Variants in SHROOM3 observed in about 807,000 individuals in gnomAD.
The protein encoded by SHROOM3 is protein Shroom3.
SHROOM3 carries 47 observed loss-of-function variants against 138.6 expected under a neutral mutation model. The observed-to-expected ratio is 0.34, with a 90% CI of 0.27 to 0.43. The LOEUF (loss-of-function observed/expected upper bound fraction) is 0.43, where lower values mean the gene tolerates loss of function less well. Among genes scored for constraint, SHROOM3 ranks in the 20% least tolerant of loss-of-function variants. SHROOM3 has a pLI of 1.00. For missense variants in SHROOM3, 2,491 were observed against 2,596.5 expected (o/e 0.96, Z 0.88); for synonymous variants, 1,062 against 1,063.3 (o/e 1.00, Z 0.02).
chr4:76,553,522 C>A (rs1316573426), intron 1 of SHROOM3, among the ~76,000 whole-genome samples: 1 of 152,036 alleles, frequency 6.6e-6, no homozygotes, highest in African/African-American at 2.4e-5. Flanking sequence ...GTGATCCACC[C>A]ACCCCGGCCT....
chr4:76,679,888 G>A (rs139073189), intron 2 of SHROOM3, among the ~76,000 whole-genome samples: 1 of 152,072 alleles, frequency 6.6e-6, no homozygotes, highest in African/African-American at 2.4e-5. Flanking sequence ...CAGGATTCTG[G>A]GCCATCATTA....
chr4:76,638,973 A>C (rs778635004), intron 2 of SHROOM3: 10 of 152,172 alleles, frequency 6.6e-5, no homozygotes, highest in Non-Finnish European at 1.0e-4. Context: ...TTCAGTCTCG[A>C]ATGACACAGA....
chr4:76,529,101 A>G (rs1169183892), intron 1 of SHROOM3, among the ~76,000 whole-genome samples: 5 of 152,140 alleles, frequency 3.3e-5, no homozygotes, highest in Non-Finnish European at 5.9e-5. Context: ...TCTCAGCCAA[A>G]CTATTGTTGG....
At chr4:76,543,951 T>A (rs1229721593) in intron 1 of SHROOM3, among the ~76,000 whole-genome samples, 1 of 152,242 alleles carries the variant, frequency 6.6e-6, no homozygotes, top group African/African-American at 2.4e-5. Context: ...GTATTTACCT[T>A]CTTAGACTTC....
chr4:76,756,347 C>A (rs1721809028), intron 7 of SHROOM3, 102 bp from the exon 8 acceptor site: 2 of 1,381,016 alleles, frequency 1.4e-6, no homozygotes, highest in Non-Finnish European at 2.0e-6. Flanking sequence ...ATGTGGAAAG[C>A]TTCTCCCTCA....
chr4:76,555,621 G>A lies in SHROOM3; in HGVS notation c.181G>A (p.Gly61Ser). 6.2e-7 allele frequency: 1 copy of A among 1,613,712 alleles called. No homozygotes were observed. The highest frequency in any genetic ancestry group is 8.5e-7 in the Non-Finnish European group (1 of 1,180,010). ...PLIISKVEEG[G>S]KADTLSSKLQ... ...TCCCTCCAAGCAGGTCGAAGAAGGGGGCAAAGCAGACACCCTGAGCTCCAA... is the reference window on the plus strand; with the variant it reads ...TCCCTCCAAGCAGGTCGAAGAAGGGAGCAAAGCAGACACCCTGAGCTCCAA... Residue 61 changes from glycine (G) to serine (S), a missense_variant, in exon 2 of 11, where the codon GGC becomes AGC. Coordinates refer to ENST00000296043, the MANE Select transcript of SHROOM3 (RefSeq NM_020859.4).
chr4:76,739,139 G>C lies in SHROOM3; in HGVS notation c.966G>C (p.Glu322Asp), dbSNP rs777319771. 6.2e-7 allele frequency: 1 copy of C among 1,614,072 alleles called. No individual in the cohort carries two copies. The highest frequency in any genetic ancestry group is 8.5e-7 in the Non-Finnish European group (1 of 1,180,036). ...DTRRGVSAEY[E>D]VNSSALLLQG... ...GGAGGGGAGTCTCAGCAGAGTATGA[G>C]GTGAACTCTTCAGCCCTGCTGCTTC... Residue 322 changes from glutamate to aspartate, a missense_variant, in exon 5 of 11, where the codon GAG (glutamate) becomes GAC (aspartate). Physicochemically the swap from Glu to Asp is conservative, Grantham distance 45 (BLOSUM62 2). This residue lies in a region of SHROOM3 where 1,733 missense variants were observed against 1,661.6 expected (regional missense o/e 1.04). Transcript: ENST00000296043.
At chr4:76,728,863 TCAATACCTCACTGGGGAGCTCGGGG>T (rs71659343) in intron 3 of SHROOM3, among the ~76,000 whole-genome samples, 365 of 152,166 alleles carry the variant, frequency 2.4e-3, no homozygotes, top group African/African-American at 8.2e-3. Flanking sequence ...AATTATTGAC[TCAATACCTCACTGGGGAGCTCGGGG>T]CAATACCTCA....
chr4:76,627,542 T>C (rs997626360), intron 2 of SHROOM3, among the ~76,000 whole-genome samples: 6 of 152,208 alleles, frequency 3.9e-5, no homozygotes, highest in African/African-American at 1.4e-4. Flanking sequence ...AGAATGCCTA[T>C]TTTAAGCTCT....
chr4:76,637,210 G>A (rs1577940314), intron 2 of SHROOM3, among the ~76,000 whole-genome samples: 1 of 152,282 alleles, frequency 6.6e-6, no homozygotes, highest in Non-Finnish European at 1.5e-5. Flanking sequence ...GAAATCAGGG[G>A]TTTTCCAAAG....
At chr4:76,703,694 A>G (rs1719966849) in intron 2 of SHROOM3, among the ~76,000 whole-genome samples, 1 of 152,238 alleles carries the variant, frequency 6.6e-6, no homozygotes, top group African/African-American at 2.4e-5. Context: ...TAGTAAGGCT[A>G]ACTTCATGGA....
At chr4:76,765,839 T>A (rs2109787357) in intron 9 of SHROOM3, among the ~76,000 whole-genome samples, 1 of 152,350 alleles carries the variant, frequency 6.6e-6, no homozygotes, top group Non-Finnish European at 1.5e-5. Context: ...ATTTCAACAT[T>A]CATGACTTGA....
At chr4:76,570,433 T>C (rs1407982339) in intron 2 of SHROOM3, among the ~76,000 whole-genome samples, 1 of 152,030 alleles carries the variant, frequency 6.6e-6, no homozygotes, top group African/African-American at 2.4e-5. Flanking sequence ...ATCGGTGGCA[T>C]CCCCACAAAA....
intron 9 of SHROOM3, 27 bp downstream of exon 9, chr4:76,759,722 T>A: frequency 1.2e-6 from 2 of 1,605,202 alleles, no homozygotes; most frequent in Non-Finnish European, 1.7e-6. Flanking sequence ...ATGCCCTTGT[T>A]CAGCTTTCCT....
At chr4:76,512,760 C>T (rs942269852) in intron 1 of SHROOM3, among the ~76,000 whole-genome samples, 2 of 152,116 alleles carry the variant, frequency 1.3e-5, no homozygotes, top group Non-Finnish European at 2.9e-5. Context: ...TGATGAGGTG[C>T]TCCCACGGAG....
Position 76,738,875 on chromosome 4 carries a change from C to T in SHROOM3, c.702C>T (p.Pro234=), listed in dbSNP as rs1330139022. The change falls in exon 5 of 11, where the codon CCC becomes CCT. Residue 234 remains proline (P), a synonymous_variant. Transcript: ENST00000296043. ...TGGAGCCCAGTGGGGCATACCCACC[C>T]TGTCATCTTTCCCCTGCCAAGTCCA... is the stretch of plus-strand genomic sequence containing the variant. ...ESLEPSGAYP[P]CHLSPAKSTG... The T allele has an allele frequency of 1.2e-6, 2 of 1,614,254 alleles. No individual in the cohort carries two copies. Among genetic ancestry groups the T allele is most frequent in the South Asian group, 2.2e-5 (2 of 91,088 alleles).
intron 2 of SHROOM3, among the ~76,000 whole-genome samples, chr4:76,594,507 A>G (rs1051523176): frequency 2.6e-5 from 4 of 152,220 alleles, no homozygotes; most frequent in Admixed American, 6.5e-5. Flanking sequence ...TTACATAAAA[A>G]CTTTAACTTT....
chr4:76,546,488 G>C (rs1050111128), intron 1 of SHROOM3, among the ~76,000 whole-genome samples: 1 of 152,214 alleles, frequency 6.6e-6, no homozygotes, highest in Non-Finnish European at 1.5e-5. Context: ...CTGAGAACCA[G>C]AGAAGGATCC....
chr4:76,702,555 A>G (rs1719931866), intron 2 of SHROOM3, among the ~76,000 whole-genome samples: 1 of 152,192 alleles, frequency 6.6e-6, no homozygotes, highest in South Asian at 2.1e-4. Context: ...GACCTGCTCA[A>G]ACACCTTCCT....
Sources: allele counts gnomAD v4.1 joint callset (sites outside exome capture counted in the v4.1 genomes callset), GRCh38; gene constraint gnomAD v4.1.1; regional missense constraint gnomAD v4.1.1; transcripts MANE v1.5; gene names NCBI Gene and HGNC (gene_info 2026-07-23, HGNC 2026-07-21).